Variants in RYR3 observed in about 807,000 individuals in gnomAD.
The protein encoded by RYR3 is ryanodine receptor 3, also known as brain ryanodine receptor-calcium release channel.
Under a neutral mutation model 584.3 loss-of-function variants are expected in RYR3, and 207 were observed. That is an observed-to-expected ratio of 0.35 (90% CI 0.32 to 0.40). The LOEUF is 0.40. RYR3 is among the 10% of genes least tolerant of loss of function. The pLI is 1.00. For missense variants in RYR3, 5,616 were observed against 6,089.2 expected (o/e 0.92, Z 2.59); for synonymous variants, 2,416 against 2,248.5 (o/e 1.07, Z -2.11).
intron 31 of RYR3, among the ~76,000 whole-genome samples, chr15:33,651,785 T>C (rs1160813214): frequency 6.6e-6 from 1 of 152,210 alleles, no homozygotes; most frequent in East Asian, 1.9e-4. Context: ...GCATCAGGTA[T>C]AGCATCACCC....
At chr15:33,765,349 G>T (rs2072923530) in intron 60 of RYR3, among the ~76,000 whole-genome samples, 1 of 151,872 alleles carries the variant, frequency 6.6e-6, no homozygotes, top group South Asian at 2.1e-4. Context: ...AAATAGTTAG[G>T]AGGCCAGGCG....
At chr15:33,593,933 G>C (rs2059253980) in intron 16 of RYR3, among the ~76,000 whole-genome samples, 1 of 152,080 alleles carries the variant, frequency 6.6e-6, no homozygotes, top group Admixed American at 6.6e-5. Context: ...TTTTACATAG[G>C]CTTTTAAATG....
At chr15:33,854,685 T>C (rs713201) in intron 97 of RYR3, 81 bp from the exon 98 acceptor site, 1,291,684 of 1,518,106 alleles carry the variant, frequency 0.85, 550,939 homozygotes, top group East Asian at 0.99. Flanking sequence ...TCAGTGTGTC[T>C]CCCAAAATAA....
chr15:33,511,463 ATC>A (rs1381758795), intron 3 of RYR3, among the ~76,000 whole-genome samples: 3 of 151,684 alleles, frequency 2.0e-5, no homozygotes, highest in Admixed American at 1.3e-4. Context: ...TAGCTCAGTG[ATC>A]TCTCGGAATG....
At chr15:33,699,260 C>CTT (rs1389026789) in intron 40 of RYR3, among the ~76,000 whole-genome samples, 1 of 107,852 alleles carries the variant, frequency 9.3e-6, no homozygotes, top group Non-Finnish European at 1.8e-5. Flanking sequence ...CTCTCCCCCC[C>CTT]TTTCTCTCTC....
chr15:33,853,137 G>GT (rs1201392518), intron 95 of RYR3, 50 bp downstream of exon 95: 1 of 1,473,906 alleles, frequency 6.8e-7, no homozygotes, highest in African/African-American at 1.4e-5. Flanking sequence ...AAAATGTGGT[G>GT]TATGTTTTTT....
chr15:33,762,527 G>C (rs1056227073), intron 60 of RYR3, among the ~76,000 whole-genome samples: 1 of 152,086 alleles, frequency 6.6e-6, no homozygotes, highest in Admixed American at 6.5e-5. Flanking sequence ...TTCTCACAAA[G>C]AGCATAAAAT....
intron 1 of RYR3, among the ~76,000 whole-genome samples, chr15:33,380,255 G>C (rs991036975): frequency 3.4e-4 from 52 of 152,260 alleles, no homozygotes; most frequent in African/African-American, 1.2e-3. Context: ...TTCTAAATTG[G>C]TAACTCTAAG....
intron 1 of RYR3, among the ~76,000 whole-genome samples, chr15:33,354,289 T>C (rs1973668973): frequency 6.6e-6 from 1 of 152,202 alleles, no homozygotes; most frequent in Non-Finnish European, 1.5e-5. Context: ...TGCCCATTTC[T>C]TAGTGTTCCT....
rs1974040799 is a variant in RYR3 at position 33,356,777 on chromosome 15, T to C, written c.51+45681T>C. Among the ~76,000 whole-genome samples the C allele has an allele frequency of 2.0e-5, 3 of 152,202 alleles. No individual in the cohort carries two copies. In the South Asian group the frequency reaches 6.2e-4, roughly 32 times the overall value. On this transcript the variant is annotated intron_variant, in intron 1 of 103. Transcript: ENST00000634891. ...TGTGTGCCATTTAGTAAGGTAAGATTGAGGTTTGCTCTCTGAGAACTAATG... is the reference window on the plus strand; with the variant it reads ...TGTGTGCCATTTAGTAAGGTAAGATCGAGGTTTGCTCTCTGAGAACTAATG...
chr15:33,861,557 C>G (rs990506488), intron 102 of RYR3, among the ~76,000 whole-genome samples: 1 of 151,666 alleles, frequency 6.6e-6, no homozygotes, highest in Non-Finnish European at 1.5e-5. Context: ...ACTTCTTTTT[C>G]CCTTTCAGCA....
Position 33,652,952 on chromosome 15 carries a change from C to G in RYR3, c.4308+69C>G, listed in dbSNP as rs577049525. 4.1e-6 allele frequency: 6 copies of G among 1,467,184 alleles called. No individual in the cohort carries two copies. In the South Asian group the frequency reaches 8.3e-5, roughly 20 times the overall value. The allele number at this position is 1,467,184 out of a possible 1,614,324, so 90.9% of individuals were successfully genotyped here. The stretch of plus-strand genomic sequence containing the variant: ...GGTGTTTATCACTGTGTTCCTTGTT[C>G]TCCGTACTCAGCATTCCTGCCACAG... On this transcript the variant is annotated intron_variant, in intron 32 of 103. Transcript: ENST00000634891.
Position 33,633,022 on chromosome 15 carries a change from A to C in RYR3, c.2941A>C (p.Ile981Leu). 6.2e-7 allele frequency: 1 copy of C among 1,614,022 alleles called. No homozygotes were observed. The highest frequency in any genetic ancestry group is 1.1e-5 in the South Asian group (1 of 91,072). Residue 981 changes from isoleucine (I) to leucine (L), a missense_variant, in exon 24 of 104, where the codon ATT (isoleucine) becomes CTT (leucine). Physicochemically the swap from Ile to Leu is conservative, Grantham distance 5 (BLOSUM62 2). This residue lies in a region of RYR3 where 1,284 missense variants were observed against 1,344.6 expected (regional missense o/e 0.95). Coordinates refer to ENST00000634891, the MANE Select transcript of RYR3 (RefSeq NM_001036.6). ...TGTGAAGCTGTTACCTCCTCAAGAA[A>C]TTTTAGTGGATAAGCTTGCAGAAAA... ...SDVKLLPPQE[I>L]LVDKLAENAH...
In RYR3 at chr15:33,707,312, G is replaced by A. The variant is rs113847297; in HGVS notation, c.6619+258G>A. ...TCCCAGGTCCAGCAAGAAACTCACCGCAGAGAGGTCATCTCTCTGCACTGT... is the reference window on the plus strand; with the variant it reads ...TCCCAGGTCCAGCAAGAAACTCACCACAGAGAGGTCATCTCTCTGCACTGT... On this transcript the variant is annotated intron_variant, in intron 43 of 103. Coordinates refer to ENST00000634891, the MANE Select transcript of RYR3 (RefSeq NM_001036.6). Among the ~76,000 whole-genome samples the A allele has an allele frequency of 6.4e-3, 971 of 152,188 alleles. 8 individuals are homozygous for A. The highest frequency in any genetic ancestry group is 0.022 in the African/African-American group (905 of 41,508).
chr15:33,667,167 G>T (rs2063534868), intron 36 of RYR3, among the ~76,000 whole-genome samples: 2 of 152,120 alleles, frequency 1.3e-5, no homozygotes, highest in Non-Finnish European at 2.9e-5. Context: ...TGCTACACAA[G>T]GTTCATGATT....
intron 36 of RYR3, among the ~76,000 whole-genome samples, chr15:33,664,603 A>ATATATATATATATG (rs2063380957): frequency 7.3e-6 from 1 of 137,688 alleles, no homozygotes; most frequent in Non-Finnish European, 1.6e-5. Context: ...ATATATATAT[A>ATATATATATATATG]TATATATATA....
chr15:33,694,156 T>TG (rs754861260), intron 38 of RYR3, among the ~76,000 whole-genome samples: 20 of 118,212 alleles, frequency 1.7e-4, no homozygotes, highest in Admixed American at 5.5e-4. Context: ...CCTAATATCA[T>TG]GGAAAAAAAA....
At chr15:33,578,786 A>AAC (rs1344671472) in intron 12 of RYR3, among the ~76,000 whole-genome samples, 894 of 15,318 alleles carry the variant, frequency 0.058, 2 homozygotes, top group Admixed American at 0.14. Flanking sequence ...AAACAACAAC[A>AAC]AAAAAAAACT....
chr15:33,685,208 G>A (rs568954432), intron 38 of RYR3, among the ~76,000 whole-genome samples: 19 of 152,270 alleles, frequency 1.2e-4, no homozygotes, highest in African/African-American at 2.4e-4. Flanking sequence ...CCCATTTCAC[G>A]TGCAGAGACA....
Sources: allele counts gnomAD v4.1 joint callset (sites outside exome capture counted in the v4.1 genomes callset), GRCh38; gene constraint gnomAD v4.1.1; regional missense constraint gnomAD v4.1.1; transcripts MANE v1.5; gene names NCBI Gene and HGNC (gene_info 2026-07-23, HGNC 2026-07-21).